Variants in TSPAN9 observed in about 807,000 individuals in gnomAD.
The protein encoded by TSPAN9 is tetraspanin-9.
TSPAN9 carries 16 observed loss-of-function variants against 31.0 expected under a neutral mutation model. The observed-to-expected ratio is 0.52, with a 90% CI of 0.35 to 0.78. TSPAN9 has a LOEUF of 0.78. Ranked by LOEUF, TSPAN9 falls within the 30% of genes least tolerant of loss-of-function variation. The probability of loss-of-function intolerance (pLI) is 0.01; values close to 1 mark genes in which losing one functional copy is unlikely to be tolerated. For missense variants in TSPAN9, 272 were observed against 312.5 expected, an observed-to-expected ratio of 0.87 and a Z score of 0.98; for synonymous variants, 145 against 121.6, an observed-to-expected ratio of 1.19 and a Z score of -1.27.
intron 3 of TSPAN9, among the ~76,000 whole-genome samples, chr12:3,231,446 C>T (rs890332469): frequency 3.3e-5 from 5 of 152,314 alleles, no homozygotes; most frequent in Admixed American, 6.5e-5. Flanking sequence ...GGCCCCAGCC[C>T]GAACAGTCCT....
chr12:3,244,029 T>C (rs1349944544), intron 3 of TSPAN9, among the ~76,000 whole-genome samples: 2 of 152,238 alleles, frequency 1.3e-5, no homozygotes, highest in African/African-American at 4.8e-5. Context: ...GGCTGCCCTT[T>C]CAGCTTGCCC....
intron 2 of TSPAN9, among the ~76,000 whole-genome samples, chr12:3,089,028 C>A (rs974530564): frequency 2.0e-5 from 3 of 151,742 alleles, no homozygotes; most frequent in Admixed American, 6.6e-5. Flanking sequence ...GTCAGGAGAT[C>A]GAGATCATCC....
intron 3 of TSPAN9, among the ~76,000 whole-genome samples, chr12:3,219,843 ACT>A (rs2098383378): frequency 1.1e-5 from 1 of 91,712 alleles, no homozygotes; most frequent in Non-Finnish European, 2.2e-5. Flanking sequence ...CAGAACTTAA[ACT>A]ATTAAAAAAA....
At chr12:3,141,798 G>A (rs1424536842) in intron 2 of TSPAN9, among the ~76,000 whole-genome samples, 1 of 152,064 alleles carries the variant, frequency 6.6e-6, no homozygotes, top group Admixed American at 6.5e-5. Flanking sequence ...ACCAAGCCTG[G>A]CCCAGACCTG....
At chr12:3,218,883 A>G (rs188273905) in intron 3 of TSPAN9, among the ~76,000 whole-genome samples, 33 of 152,188 alleles carry the variant, frequency 2.2e-4, no homozygotes, top group East Asian at 1.5e-3. Flanking sequence ...CCCCCCGGCA[A>G]TCCATCCTCT....
intron 2 of TSPAN9, among the ~76,000 whole-genome samples, chr12:3,158,011 AG>A (rs2098343141): frequency 1.3e-5 from 2 of 152,182 alleles, no homozygotes; most frequent in East Asian, 3.8e-4. Context: ...CTAAAAAAAA[AG>A]AAATGGAAAA....
chr12:3,121,376 T>G (rs2098325016), intron 2 of TSPAN9, among the ~76,000 whole-genome samples: 1 of 52,520 alleles, frequency 1.9e-5, no homozygotes, highest in Non-Finnish European at 3.6e-5. Context: ...TTTTTTTTTT[T>G]TGAGACAGGT....
At chr12:3,214,675 C>A (rs12310131) in intron 3 of TSPAN9, among the ~76,000 whole-genome samples, 2 of 151,932 alleles carry the variant, frequency 1.3e-5, no homozygotes, top group Non-Finnish European at 2.9e-5. Context: ...CGCCCTCCCC[C>A]CTGCAGGGGA....
At chr12:3,240,562 C>T (rs963690586) in intron 3 of TSPAN9, among the ~76,000 whole-genome samples, 5 of 152,120 alleles carry the variant, frequency 3.3e-5, no homozygotes, top group East Asian at 1.9e-4. Flanking sequence ...GATCTGAATC[C>T]GGGTCTCAGG....
intron 2 of TSPAN9, among the ~76,000 whole-genome samples, chr12:3,113,034 C>G (rs4766045): frequency 7.9e-5 from 12 of 152,242 alleles, no homozygotes; most frequent in East Asian, 1.9e-4. Context: ...TATTGACCCA[C>G]TGATTGTTCA....
intron 3 of TSPAN9, among the ~76,000 whole-genome samples, chr12:3,258,182 A>G (rs1565635060): frequency 6.6e-6 from 1 of 152,110 alleles, no homozygotes. Context: ...GTGGCAGAGG[A>G]GAGAGGTGCA....
chr12:3,205,760 G>C (rs1055738987), intron 3 of TSPAN9, among the ~76,000 whole-genome samples: 2 of 151,680 alleles, frequency 1.3e-5, no homozygotes, highest in African/African-American at 4.9e-5. Context: ...GGTTCAGGCT[G>C]TCTTCCTAGG....
In TSPAN9 at chr12:3,187,396, C is replaced by CATGGGTACGTGT. The variant is rs1437749268; in HGVS notation, c.-17-13777_-17-13766dup. ...CCTCTGCCTGCCTTTGTGCAGGTGG[C>CATGGGTACGTGT]ATGGGTACGTGTATGTCCAGGAGTG... is the stretch of plus-strand genomic sequence containing the variant. On this transcript the variant is annotated intron_variant, in intron 2 of 8. Coordinates refer to ENST00000011898, the MANE Select transcript of TSPAN9 (RefSeq NM_006675.5). The surrounding 1 kb of genome is among the most constrained non-coding windows in gnomAD (Gnocchi z 5.2). 6.6e-6 allele frequency among the ~76,000 whole-genome samples: 1 copy of CATGGGTACGTGT among 152,168 alleles called. No individual in the cohort carries two copies. Among genetic ancestry groups the CATGGGTACGTGT allele is most frequent in the Non-Finnish European group, 1.5e-5 (1 of 68,044 alleles).
chr12:3,132,529 C>A lies in TSPAN9; in HGVS notation c.-18+48810C>A, dbSNP rs1431564104. Among the ~76,000 whole-genome samples the A allele has an allele frequency of 1.4e-4, 21 of 151,978 alleles. 1 individual carries two copies. Among genetic ancestry groups the A allele is most frequent in the Non-Finnish European group, 3.1e-4 (21 of 68,016 alleles). On this transcript the variant is annotated intron_variant, in intron 2 of 8. Coordinates refer to ENST00000011898, the MANE Select transcript of TSPAN9 (RefSeq NM_006675.5). ...TTCCCTGATGGACCATGACATGGAGCATTCTCCTTCAGTTCCCGCATTCCT... is the reference window on the plus strand; with the variant it reads ...TTCCCTGATGGACCATGACATGGAGAATTCTCCTTCAGTTCCCGCATTCCT...
At chr12:3,178,783 G>A (rs1362650113) in intron 2 of TSPAN9, among the ~76,000 whole-genome samples, 1 of 152,196 alleles carries the variant, frequency 6.6e-6, no homozygotes, top group Non-Finnish European at 1.5e-5. Flanking sequence ...GCCTCTGGTC[G>A]CGCTCACTTG....
intron 3 of TSPAN9, among the ~76,000 whole-genome samples, chr12:3,267,341 A>G (rs1012439016): frequency 6.6e-6 from 1 of 152,172 alleles, no homozygotes; most frequent in Non-Finnish European, 1.5e-5. Context: ...GTTCATCCCC[A>G]CGGTGTCCCT....
intron 2 of TSPAN9, among the ~76,000 whole-genome samples, chr12:3,174,638 A>G (rs535201153): frequency 6.6e-6 from 1 of 152,032 alleles, no homozygotes; most frequent in African/African-American, 2.4e-5. Context: ...GCTGGAGGGC[A>G]GTGGCGCGAT....
intron 3 of TSPAN9, among the ~76,000 whole-genome samples, chr12:3,204,669 T>G (rs1027072199): frequency 6.6e-6 from 1 of 151,930 alleles, no homozygotes; most frequent in Admixed American, 6.6e-5. Flanking sequence ...CCTGACTGAG[T>G]CCCATCTCCT....
At chr12:3,222,596 C>G (rs550159456) in intron 3 of TSPAN9, among the ~76,000 whole-genome samples, 52 of 152,308 alleles carry the variant, frequency 3.4e-4, no homozygotes, top group Non-Finnish European at 6.5e-4. Flanking sequence ...AGAGGTGACG[C>G]TGATCAGATT....
Sources: gnomAD v4.1 joint callset for allele counts (sites outside exome capture counted in the v4.1 genomes callset) on GRCh38, gnomAD v4.1.1 for gene constraint, Gnocchi (gnomAD v3.1) non-coding constraint, MANE v1.5 for transcripts, NCBI Gene and HGNC (gene_info 2026-07-23, HGNC 2026-07-21) for gene names.